Variants in POLR1A observed in about 807,000 individuals in gnomAD.
POLR1A encodes RNA polymerase I subunit A.
In POLR1A, 84 loss-of-function variants were observed where a neutral mutation model predicts 205.3. That is an observed-to-expected ratio of 0.41 (90% CI 0.34 to 0.49). The LOEUF (loss-of-function observed/expected upper bound fraction) is 0.49. Ranked by LOEUF, POLR1A falls within the 20% of genes least tolerant of loss-of-function variation. The pLI is 0.22. For synonymous variants in POLR1A, 799 were observed against 863.7 expected, an observed-to-expected ratio of 0.93 and a Z score of 1.31; for missense variants, 1,645 against 2,204.5, an observed-to-expected ratio of 0.75 and a Z score of 5.08.
intron 27 of POLR1A, among the ~76,000 whole-genome samples, chr2:86,034,083 T>C (rs1162132029): frequency 1.3e-5 from 2 of 152,242 alleles, no homozygotes; most frequent in Non-Finnish European, 2.9e-5. Flanking sequence ...CTAGAAAATA[T>C]GGGAATTACT....
chr2:86,028,794 C>A lies in POLR1A; in HGVS notation c.4780-83G>T. The stretch of plus-strand genomic sequence containing the variant: ...CTGCGTATCTCCCCCTGGCCGCTCT[C>A]TCTCTCCTTGTGTCTGGCAGCTCGG... On this transcript the variant is annotated intron_variant, in intron 31 of 33. Transcript: ENST00000263857. The surrounding 1 kb of genome is among the most constrained non-coding windows in gnomAD (Gnocchi z 4.5). The A allele has an allele frequency of 2.0e-6, 2 of 986,316 alleles. No homozygotes were observed. Among genetic ancestry groups the A allele is most frequent in the South Asian group, 1.4e-5 (1 of 73,866 alleles). 61.1% of individuals were successfully genotyped at this position (986,316 alleles called of 1,614,324 possible).
chr2:86,088,299 T>C (rs939187951), intron 6 of POLR1A, among the ~76,000 whole-genome samples: 8 of 152,216 alleles, frequency 5.3e-5, no homozygotes, highest in Admixed American at 2.6e-4. Flanking sequence ...TGAAAAACCT[T>C]TCAGAAAAAC....
rs971226175 is a variant in POLR1A at position 86,025,307 on chromosome 2, A to G, written c.*2116T>C. On this transcript the variant is annotated 3_prime_UTR_variant, in exon 34 of 34. Coordinates refer to ENST00000263857, the MANE Select transcript of POLR1A (RefSeq NM_015425.6). ...AAACTCAAATGCATCCTCAATGGGCACTTACAGTCCTAAGAAGACTCCAAA... is the reference window on the plus strand; with the variant it reads ...AAACTCAAATGCATCCTCAATGGGCGCTTACAGTCCTAAGAAGACTCCAAA... 6.6e-6 allele frequency: 1 copy of G among 152,236 alleles called. No homozygotes were observed. Among genetic ancestry groups the G allele is most frequent in the African/African-American group, 2.4e-5 (1 of 41,456 alleles). 9.4% of individuals were successfully genotyped at this position (152,236 alleles called of 1,614,324 possible).
chr2:86,088,629 A>G lies in POLR1A; in HGVS notation c.667T>C (p.Leu223=), dbSNP rs1298627629. 6.2e-7 allele frequency: 1 copy of G among 1,614,086 alleles called. No homozygotes were observed. The highest frequency in any genetic ancestry group is 1.1e-5 in the South Asian group (1 of 91,086). The change falls in exon 6 of 34, where the codon TTG becomes CTG. Residue 223 remains leucine (L), a synonymous_variant. Transcript: ENST00000263857. ...ACCATGGCTGGAAACGTGATAGTCA[A>G]CTTGCTGTTGTGTTCCTTTCGGACA... ...SVVRKEHNSK[L]TITFPAMVHR... is the part of the protein sequence containing the mutation.
At chr2:86,088,905 T>C in intron 4 of POLR1A, 35 bp from the exon 5 acceptor site, 1 of 1,469,190 alleles carries the variant, frequency 6.8e-7, no homozygotes, top group Non-Finnish European at 9.5e-7. Context: ...AACCTTGGAG[T>C]GCCATTTTGA....
chr2:86,037,983 T>G (rs6547656), intron 27 of POLR1A, among the ~76,000 whole-genome samples: 1,881 of 152,300 alleles, frequency 0.012, 48 homozygotes, highest in African/African-American at 0.043. Flanking sequence ...TATGCAGCCT[T>G]TTTGTGTTCA....
At chr2:86,079,455 C>A (rs1173717634) in intron 9 of POLR1A, among the ~76,000 whole-genome samples, 1 of 152,186 alleles carries the variant, frequency 6.6e-6, no homozygotes, top group Non-Finnish European at 1.5e-5. Context: ...AGAAAAAACA[C>A]ATCCTGTCAA....
chr2:86,069,920 T>C, intron 13 of POLR1A, 98 bp downstream of exon 13: 2 of 1,377,292 alleles, frequency 1.5e-6, no homozygotes, highest in Non-Finnish European at 1.9e-6. Context: ...GCCCCTGTCC[T>C]GGAGCTGCCC....
At chr2:86,030,542 C>T in intron 30 of POLR1A, 146 bp from the exon 31 acceptor site, 1 of 629,810 alleles carries the variant, frequency 1.6e-6, no homozygotes, top group Admixed American at 2.7e-5. Context: ...GTAGTCTGAA[C>T]ATTGGAGATG....
At chr2:86,036,057 G>A (rs1672487850) in intron 27 of POLR1A, among the ~76,000 whole-genome samples, 1 of 152,182 alleles carries the variant, frequency 6.6e-6, no homozygotes, top group Non-Finnish European at 1.5e-5. Flanking sequence ...TGTAGCAACA[G>A]AAAGGGAACA....
chr2:86,064,652 A>G lies in POLR1A; in HGVS notation c.2058+622T>C, dbSNP rs1324336761. Among the ~76,000 whole-genome samples, 4 of 152,294 alleles carry G rather than the reference A, an allele frequency of 2.6e-5. No homozygotes were observed. The East Asian group carries it at 7.7e-4, about 29-fold the overall frequency. ...GCAAACATATGGAACTTCCCAACAA[A>G]TATTACTATTACTCCACCAGCACCA... On this transcript the variant is annotated intron_variant, in intron 14 of 33. Transcript: ENST00000263857.
intron 14 of POLR1A, among the ~76,000 whole-genome samples, chr2:86,061,077 T>C (rs889859130): frequency 6.6e-6 from 1 of 152,092 alleles, no homozygotes; most frequent in African/African-American, 2.4e-5. Context: ...ATTAAGGACA[T>C]GATAATTAAA....
chr2:86,086,765 C>A (rs1673511029), intron 6 of POLR1A, among the ~76,000 whole-genome samples: 1 of 152,216 alleles, frequency 6.6e-6, no homozygotes, highest in Non-Finnish European at 1.5e-5. Context: ...GGCTACTTAC[C>A]TGCCGGACAT....
chr2:86,052,290 G>C (rs1672816345), intron 16 of POLR1A, among the ~76,000 whole-genome samples: 1 of 152,174 alleles, frequency 6.6e-6, no homozygotes, highest in Non-Finnish European at 1.5e-5. Context: ...TGTGGAGTGG[G>C]ATGGGCCCTG....
chr2:86,104,696 C>G (rs998974528), intron 1 of POLR1A, among the ~76,000 whole-genome samples: 2 of 152,200 alleles, frequency 1.3e-5, no homozygotes, highest in African/African-American at 4.8e-5. Context: ...ATCCGCCGGC[C>G]TCGGCCTCCC....
intron 3 of POLR1A, among the ~76,000 whole-genome samples, chr2:86,097,920 T>C (rs1440852028): frequency 5.9e-5 from 9 of 152,192 alleles, no homozygotes. Flanking sequence ...TGATAAATGT[T>C]TGAGAGAACT....
At chr2:86,054,031 G>A in intron 15 of POLR1A, 109 bp downstream of exon 15, 2 of 1,090,198 alleles carry the variant, frequency 1.8e-6, no homozygotes, top group Non-Finnish European at 2.7e-6. Flanking sequence ...CTCTTCTGAG[G>A]CACAGTACCT....
intron 24 of POLR1A, among the ~76,000 whole-genome samples, chr2:86,041,266 T>C (rs1001555912): frequency 2.9e-5 from 4 of 137,612 alleles, no homozygotes; most frequent in Admixed American, 7.2e-5. Context: ...TGTGTGTGTG[T>C]GCTGATCTAC....
chr2:86,052,337 G>T (rs1158706284), intron 16 of POLR1A, among the ~76,000 whole-genome samples: 2 of 152,212 alleles, frequency 1.3e-5, no homozygotes, highest in Non-Finnish European at 2.9e-5. Flanking sequence ...CAGGGAATGG[G>T]GTTGTAAGAG....
Sources: allele counts gnomAD v4.1 joint callset (sites outside exome capture counted in the v4.1 genomes callset), GRCh38; gene constraint gnomAD v4.1.1; non-coding constraint Gnocchi (gnomAD v3.1); transcripts MANE v1.5; gene names NCBI Gene and HGNC (gene_info 2026-07-23, HGNC 2026-07-21).